The following MMAB variants were observed in gnomAD, a reference collection of about 807,000 sequenced individuals.
MMAB encodes corrinoid adenosyltransferase MMAB.
Under a neutral mutation model 30.6 loss-of-function variants are expected in MMAB, and 17 were observed. That is an observed-to-expected ratio of 0.56 (90% CI 0.38 to 0.83). The LOEUF is 0.83. MMAB is among the 40% of genes least tolerant of loss of function. The pLI, the probability that MMAB is intolerant of heterozygous loss-of-function variation, is 0.00. For missense variants in MMAB, 311 were observed against 331.6 expected (o/e 0.94, Z 0.48); for synonymous variants, 134 against 138.6 (o/e 0.97, Z 0.23).
chr12:109,563,573 G>T (rs889132471), intron 4 of MMAB, among the ~76,000 whole-genome samples: 2 of 152,260 alleles, frequency 1.3e-5, no homozygotes, highest in African/African-American at 4.8e-5. Flanking sequence ...TGGAAATCCA[G>T]GAGCAGTGCC....
At chr12:109,562,157 C>T (rs1884237287) in intron 4 of MMAB, among the ~76,000 whole-genome samples, 2 of 152,090 alleles carry the variant, frequency 1.3e-5, no homozygotes, top group Non-Finnish European at 1.5e-5. Context: ...AAGTGTGTAG[C>T]ACCTCCCTCT....
In MMAB at chr12:109,557,265, G is replaced by A. The variant is rs545051727; in HGVS notation, c.645-129C>T. 3.7e-5 allele frequency: 27 copies of A among 736,164 alleles called. No individual in the cohort carries two copies. In the East Asian group the frequency reaches 6.9e-4, roughly 19 times the overall value. 45.6% of individuals were successfully genotyped at this position (736,164 alleles called of 1,614,324 possible). A position where few individuals can be genotyped will look rare whatever the true frequency, so the allele number is the denominator to read the frequency against. On this transcript the variant is annotated intron_variant, in intron 8 of 8. Coordinates refer to ENST00000545712, the MANE Select transcript of MMAB (RefSeq NM_052845.4). ...GCACTCTGGGCACATTGTGCAGGGA[G>A]GGCGGGGGCCCAGCCATCTTGCACT...
At chr12:109,562,391 G>A (rs566083537) in intron 4 of MMAB, among the ~76,000 whole-genome samples, 2 of 152,318 alleles carry the variant, frequency 1.3e-5, no homozygotes, top group Admixed American at 1.3e-4. Flanking sequence ...CCTTGAACTG[G>A]CTGACATTTG....
rs772874278 is a variant in MMAB at position 109,565,137 on chromosome 12, A to G, written c.330T>C (p.Phe110=). Residue 110 remains phenylalanine (F), a synonymous_variant, in exon 4 of 9, where the codon TTT becomes TTC. Coordinates refer to ENST00000545712, the MANE Select transcript of MMAB (RefSeq NM_052845.4). ...LELVTEKGHT[F]AEELQKIQCT... is the part of the protein sequence containing the mutation. ...TACTCACTTTCTGAAGCTCTTCGGC[A>G]AATGTATGGCCCTTTTCTGTGACTA... The G allele has an allele frequency of 9.9e-6, 16 of 1,614,108 alleles. No homozygotes were observed. The highest frequency in any genetic ancestry group is 1.3e-5 in the Non-Finnish European group (15 of 1,179,966).
chr12:109,566,138 C>T (rs1452061871), intron 3 of MMAB, among the ~76,000 whole-genome samples: 3 of 152,212 alleles, frequency 2.0e-5, no homozygotes, highest in African/African-American at 7.2e-5. Flanking sequence ...CAGCTGCCAC[C>T]AGAGCCATGC....
chr12:109,561,793 C>T lies in MMAB; in HGVS notation c.408G>A (p.Arg136=), dbSNP rs760995089. ...SALATPCSSA[R]EAHLKYTTFK... is the part of the protein sequence containing the mutation. ...TTTGAGAATTACTTAAGTGAGCCTC[C>T]CGGGCCGAGGAGCATGGTGTCGCCA... The change falls in exon 5 of 9, where the codon CGG becomes CGA. Residue 136 remains arginine (R), a synonymous_variant. Transcript: ENST00000545712. The surrounding 1 kb of genome is among the most constrained non-coding windows in gnomAD (Gnocchi z 5.3). 1 of 1,608,882 alleles carries T rather than the reference C, an allele frequency of 6.2e-7. No homozygotes were observed. The highest frequency in any genetic ancestry group is 2.2e-5 in the East Asian group (1 of 44,726).
chr12:109,571,264 T>C (rs974760247), intron 2 of MMAB, among the ~76,000 whole-genome samples: 1 of 152,140 alleles, frequency 6.6e-6, no homozygotes, highest in African/African-American at 2.4e-5. Flanking sequence ...TTTTTTTTTT[T>C]CTGAGATGGA....
intron 1 of MMAB, 120 bp from the exon 2 acceptor site, chr12:109,571,830 C>T (rs1438946248): frequency 1.3e-6 from 1 of 779,052 alleles, no homozygotes; most frequent in African/African-American, 1.7e-5. Context: ...CCCCTTACTG[C>T]TTAGATGGTC....
In MMAB at chr12:109,555,289, T is replaced by TTTTTG. The variant is rs1883930898; in HGVS notation, c.*1738_*1739insCAAAA. Reference sequence around the variant, plus strand: ...GCGTTTTCAGGGTTTTTTTTTTTTTTTTTTTTTTTTTGTGACGGAGTCTCA... The same window carrying TTTTTG: ...GCGTTTTCAGGGTTTTTTTTTTTTTTTTTTGTTTTTTTTTTTGTGACGGAGTCTCA... On this transcript the variant is annotated 3_prime_UTR_variant, in exon 9 of 9. Transcript: ENST00000545712. The TTTTTG allele has an allele frequency of 2.4e-6, 1 of 421,700 alleles. No homozygotes were observed. The highest frequency in any genetic ancestry group is 2.7e-5 in the Admixed American group (1 of 37,240). The allele number at this position is 421,700 out of a possible 1,614,324, so 26.1% of individuals were successfully genotyped here.
At chr12:109,568,686 C>T (rs1884527270) in intron 3 of MMAB, 84 bp downstream of exon 3, 1 of 1,079,660 alleles carries the variant, frequency 9.3e-7, no homozygotes, top group Non-Finnish European at 1.4e-6. Context: ...GGCTGCTGCC[C>T]AGCATGCGTG....
chr12:109,573,491 G>T lies in MMAB; in HGVS notation c.-11C>A. On this transcript the variant is annotated 5_prime_UTR_variant, in exon 1 of 9. Transcript: ENST00000545712. ...GCCGCACACAGCCATGAGCCAGGCT[G>T]CTTGACGGGACCTGACCCCGCCAGG... The T allele has an allele frequency of 4.4e-6, 7 of 1,596,426 alleles. No individual in the cohort carries two copies. The highest frequency in any genetic ancestry group is 6.0e-6 in the Non-Finnish European group (7 of 1,175,980).
intron 1 of MMAB, 103 bp from the exon 2 acceptor site, chr12:109,571,813 G>A (rs1884639372): frequency 1.1e-6 from 1 of 901,952 alleles, no homozygotes. Context: ...CTCAGAGGCA[G>A]CACTTACCCC....
Position 109,554,567 on chromosome 12 carries a change from G to C in MMAB, c.*2461C>G. 1 of 454,108 alleles carries C rather than the reference G, an allele frequency of 2.2e-6. No individual in the cohort carries two copies. Among genetic ancestry groups the C allele is most frequent in the South Asian group, 1.6e-5 (1 of 64,474 alleles). 28.1% of individuals were successfully genotyped at this position (454,108 alleles called of 1,614,324 possible). A position where few individuals can be genotyped will look rare whatever the true frequency, so the allele number is the denominator to read the frequency against. On this transcript the variant is annotated 3_prime_UTR_variant, in exon 9 of 9. Coordinates refer to ENST00000545712, the MANE Select transcript of MMAB (RefSeq NM_052845.4). Reference sequence around the variant, plus strand: ...AGGCTGCTGTTTGTTTCAAAACCCCGTGTTCCCGTGCAATGGGACTGATTG... The same window carrying C: ...AGGCTGCTGTTTGTTTCAAAACCCCCTGTTCCCGTGCAATGGGACTGATTG...
chr12:109,565,028 G>A, intron 4 of MMAB, 91 bp downstream of exon 4: 1 of 970,962 alleles, frequency 1.0e-6, no homozygotes, highest in South Asian at 1.3e-5. Context: ...AGCCCCAGGT[G>A]ACACAAAGAG....
intron 2 of MMAB, among the ~76,000 whole-genome samples, chr12:109,570,588 T>C (rs765799215): frequency 6.6e-6 from 1 of 152,182 alleles, no homozygotes; most frequent in South Asian, 2.1e-4. Flanking sequence ...GTATACTGTC[T>C]TGGTGCGGTA....
intron 7 of MMAB, among the ~76,000 whole-genome samples, chr12:109,559,702 AGT>A (rs1884123267): frequency 6.6e-6 from 1 of 152,206 alleles, no homozygotes; most frequent in African/African-American, 2.4e-5. Context: ...GCTGGGCACC[AGT>A]GTGGTGGCGG....
rs981927317 is a variant in MMAB at position 109,553,963 on chromosome 12, C to T, written c.*3065G>A. The T allele has an allele frequency of 3.5e-5, 16 of 453,944 alleles. No individual in the cohort carries two copies. The highest frequency in any genetic ancestry group is 6.0e-5 in the African/African-American group (3 of 49,964). The allele number at this position is 453,944 out of a possible 1,614,324, so 28.1% of individuals were successfully genotyped here. ...GCTGTGGAAATTACTCGATGAAAAA[C>T]GCACATTAACGATAGCCATGAAATA... On this transcript the variant is annotated 3_prime_UTR_variant, in exon 9 of 9. Transcript: ENST00000545712.
intron 8 of MMAB, 42 bp downstream of exon 8, chr12:109,559,054 C>A (rs895158532): frequency 1.1e-5 from 17 of 1,533,452 alleles, no homozygotes; most frequent in Non-Finnish European, 1.4e-5. Flanking sequence ...CACAGATGAG[C>A]CTCGGCTTTC....
chr12:109,562,116 G>A (rs1042686199), intron 4 of MMAB, among the ~76,000 whole-genome samples: 13 of 152,166 alleles, frequency 8.5e-5, no homozygotes, highest in Admixed American at 7.9e-4. Flanking sequence ...GCTGTCTTGT[G>A]ATAGAGTTCT....
Sources: gnomAD v4.1 joint callset for allele counts (sites outside exome capture counted in the v4.1 genomes callset) on GRCh38, gnomAD v4.1.1 for gene constraint, Gnocchi (gnomAD v3.1) non-coding constraint, MANE v1.5 for transcripts, NCBI Gene and HGNC (gene_info 2026-07-23, HGNC 2026-07-21) for gene names.